The following TNRC6B variants were observed in gnomAD, a reference collection of about 807,000 sequenced individuals.
The protein encoded by TNRC6B is trinucleotide repeat-containing gene 6B protein.
TNRC6B carries 52 observed loss-of-function variants against 203.6 expected under a neutral mutation model. That is an observed-to-expected ratio of 0.26 (90% CI 0.20 to 0.32). The LOEUF is 0.32. Among genes scored for constraint, TNRC6B ranks in the 10% least tolerant of loss-of-function variants. The pLI, the probability that TNRC6B is intolerant of heterozygous loss-of-function variation, is 1.00. For missense variants in TNRC6B, 1,923 were observed against 2,286.2 expected, an observed-to-expected ratio of 0.84 and a Z score of 3.24; for synonymous variants, 838 against 845.7, an observed-to-expected ratio of 0.99 and a Z score of 0.16.
At chr22:40,165,755 G>C (rs6001817) in intron 4 of TNRC6B, among the ~76,000 whole-genome samples, 3 of 151,902 alleles carry the variant, frequency 2.0e-5, no homozygotes, top group African/African-American at 7.3e-5. Flanking sequence ...CTGAGCAATG[G>C]GGGGGAAAGC....
At chr22:40,183,820 G>C (rs906765796) in intron 1 of TNRC6B, among the ~76,000 whole-genome samples, 1 of 151,878 alleles carries the variant, frequency 6.6e-6, no homozygotes, top group Non-Finnish European at 1.5e-5. Context: ...TCAGCCTCCC[G>C]AGTAGCTGGG....
At chr22:40,115,240 A>C (rs1439840720) in intron 1 of TNRC6B, among the ~76,000 whole-genome samples, 2 of 152,224 alleles carry the variant, frequency 1.3e-5, no homozygotes, top group Non-Finnish European at 2.9e-5. Context: ...ATTTGGACTA[A>C]TGATAGATCC....
chr22:40,123,147 G>A (rs529827743), intron 2 of TNRC6B, among the ~76,000 whole-genome samples: 22 of 152,274 alleles, frequency 1.4e-4, no homozygotes, highest in African/African-American at 4.6e-4. Flanking sequence ...GGCCTTGGTA[G>A]GATCTTATTG....
At chr22:40,106,822 G>A (rs2068287473) in intron 1 of TNRC6B, 1 of 1,126,098 alleles carries the variant, frequency 8.9e-7, no homozygotes, top group South Asian at 1.2e-5. Flanking sequence ...CAGGTACATA[G>A]AAGTTGCCAG....
At chr22:40,111,219 C>T (rs568596166) in intron 1 of TNRC6B, among the ~76,000 whole-genome samples, 1 of 152,308 alleles carries the variant, frequency 6.6e-6, no homozygotes, top group East Asian at 1.9e-4. Flanking sequence ...CAACGGCACG[C>T]GAAACCACGT....
intron 1 of TNRC6B, among the ~76,000 whole-genome samples, chr22:40,074,250 A>AAG (rs2146283160): frequency 6.6e-6 from 1 of 151,162 alleles, no homozygotes; most frequent in South Asian, 2.1e-4. Flanking sequence ...AAAAAAAAAA[A>AAG]AAGAAAAGAA....
At chr22:40,055,080 C>T (rs2067781773) in intron 1 of TNRC6B, among the ~76,000 whole-genome samples, 1 of 152,092 alleles carries the variant, frequency 6.6e-6, no homozygotes. Flanking sequence ...CATGATGACG[C>T]TCTCACTAAA....
intron 1 of TNRC6B, among the ~76,000 whole-genome samples, chr22:40,062,637 T>C (rs575772839): frequency 6.6e-6 from 1 of 152,338 alleles, no homozygotes; most frequent in South Asian, 2.1e-4. Context: ...TCCTTTTCAT[T>C]GTCTGGCACT....
intron 9 of TNRC6B, among the ~76,000 whole-genome samples, chr22:40,278,737 G>T (rs748455398): frequency 7.2e-5 from 11 of 152,026 alleles, no homozygotes; most frequent in Non-Finnish European, 1.3e-4. Context: ...TATGATTTTT[G>T]TATTTATTTA....
intron 1 of TNRC6B, among the ~76,000 whole-genome samples, chr22:40,235,276 C>G (rs983506485): frequency 7.9e-5 from 12 of 152,144 alleles, no homozygotes; most frequent in African/African-American, 2.9e-4. Context: ...TAGTAGAATT[C>G]ATTCTCACTG....
At chr22:40,116,304 A>G (rs2068387705) in intron 1 of TNRC6B, among the ~76,000 whole-genome samples, 1 of 152,230 alleles carries the variant, frequency 6.6e-6, no homozygotes, top group African/African-American at 2.4e-5. Context: ...CTACACACAC[A>G]TAGGTAGCTC....
intron 1 of TNRC6B, among the ~76,000 whole-genome samples, chr22:40,200,061 A>G (rs1041311296): frequency 1.7e-4 from 26 of 151,960 alleles, no homozygotes; most frequent in African/African-American, 5.3e-4. Context: ...GGCCTCTCAA[A>G]GTGCTGGGTT....
Position 40,265,287 on chromosome 22 carries a change from G to A in TNRC6B, c.1057G>A (p.Ala353Thr). 1 of 1,614,016 alleles carries A rather than the reference G, an allele frequency of 6.2e-7. No individual in the cohort carries two copies. ...GGAACAGCAGTCAAAGATGGAAAATGCGGGTGTTAATTTTGTTGTCTCTGG... is the reference window on the plus strand; with the variant it reads ...GGAACAGCAGTCAAAGATGGAAAATACGGGTGTTAATTTTGTTGTCTCTGG... ...SREQQSKMENAGVNFVVSGRE... is the reference protein window; with the variant it reads ...SREQQSKMENTGVNFVVSGRE... The change falls in exon 5 of 23, where the codon GCG becomes ACG. Residue 353 changes from alanine to threonine, a missense_variant. Around this residue, in one of 8 missense-constraint regions of TNRC6B, gnomAD observed 614 missense variants for 587.7 expected, o/e 1.04. Transcript: ENST00000454349.
At chr22:40,203,855 CAGAG>C (rs1218307174) in intron 1 of TNRC6B, among the ~76,000 whole-genome samples, 1 of 152,196 alleles carries the variant, frequency 6.6e-6, no homozygotes, top group Non-Finnish European at 1.5e-5. Flanking sequence ...GGCTGTTAGT[CAGAG>C]AGGGAGGAGG....
chr22:40,085,712 G>A (rs554882849), intron 1 of TNRC6B, among the ~76,000 whole-genome samples: 5 of 152,232 alleles, frequency 3.3e-5, no homozygotes, highest in African/African-American at 1.2e-4. Context: ...ATAACCAGTT[G>A]TTTCATCTAA....
chr22:40,300,891 T>C lies in TNRC6B; in HGVS notation c.3841-19T>C, dbSNP rs1387962687. The C allele has an allele frequency of 5.6e-6, 9 of 1,610,690 alleles. No homozygotes were observed. The highest frequency in any genetic ancestry group is 7.6e-6 in the Non-Finnish European group (9 of 1,178,542). On this transcript the variant is annotated intron_variant, in intron 13 of 22. Transcript: ENST00000454349. The stretch of plus-strand genomic sequence containing the variant: ...TCTCAGGAAACTTTGGTTTTCTGTC[T>C]TTCCCCCTTGTTTTGTAGGCATGTC...
intron 2 of TNRC6B, among the ~76,000 whole-genome samples, chr22:40,122,796 T>C (rs2068457397): frequency 6.6e-6 from 1 of 152,192 alleles, no homozygotes; most frequent in Non-Finnish European, 1.5e-5. Flanking sequence ...CATGTACTTA[T>C]TAAGTACCTA....
chr22:40,151,413 C>A (rs2068752014), intron 3 of TNRC6B, among the ~76,000 whole-genome samples: 1 of 151,824 alleles, frequency 6.6e-6, no homozygotes, highest in Admixed American at 6.6e-5. Flanking sequence ...AAAATGCACG[C>A]CTGTAATCCC....
chr22:40,203,339 T>C (rs2146410444), intron 1 of TNRC6B, among the ~76,000 whole-genome samples: 1 of 152,226 alleles, frequency 6.6e-6, no homozygotes. Context: ...TGACCCACTT[T>C]GCTCTTTCCA....
Sources: gnomAD v4.1 joint callset for allele counts (sites outside exome capture counted in the v4.1 genomes callset) on GRCh38, gnomAD v4.1.1 for gene constraint, gnomAD v4.1.1 regional missense constraint, MANE v1.5 for transcripts, NCBI Gene and HGNC (gene_info 2026-07-23, HGNC 2026-07-21) for gene names.